SEC63: variants seen among roughly 807,000 people sequenced by gnomAD.
SEC63 encodes SEC63 protein translocation regulator, also known as translocation protein SEC63 homolog.
A neutral mutation model predicts 116.2 loss-of-function variants in SEC63; 56 were observed. That is an observed-to-expected ratio of 0.48 (90% CI 0.39 to 0.60). SEC63 has a LOEUF of 0.60. Among genes scored for constraint, SEC63 ranks in the 20% least tolerant of loss-of-function variants. SEC63 has a pLI of 0.00. For missense variants in SEC63, 668 were observed against 900.0 expected (o/e 0.74, Z 3.30); for synonymous variants, 273 against 294.6 (o/e 0.93, Z 0.75).
At chr6:107,889,964 G>A (rs962347267) in intron 16 of SEC63, among the ~76,000 whole-genome samples, 2 of 152,126 alleles carry the variant, frequency 1.3e-5, no homozygotes, top group Non-Finnish European at 2.9e-5. Flanking sequence ...TATAATTTCT[G>A]TTCTTTCACA....
At chr6:107,923,389 T>C (rs1387030334) in intron 3 of SEC63, among the ~76,000 whole-genome samples, 5 of 152,160 alleles carry the variant, frequency 3.3e-5, no homozygotes, top group Non-Finnish European at 4.4e-5. Context: ...ACTGATATTA[T>C]AGGCACGAGC....
In SEC63 at chr6:107,869,728, A is replaced by C. The variant is rs1786084356; in HGVS notation, c.*1976T>G. On this transcript the variant is annotated 3_prime_UTR_variant, in exon 21 of 21. Coordinates refer to ENST00000369002, the MANE Select transcript of SEC63 (RefSeq NM_007214.5). ...TTGGGAAGTACATACACATCACACA[A>C]AGAGAAAAGGAAAACAAACTGGTGG... is the stretch of plus-strand genomic sequence containing the variant. 6.6e-6 allele frequency: 1 copy of C among 151,582 alleles called. No homozygotes were observed. The highest frequency in any genetic ancestry group is 1.5e-5 in the Non-Finnish European group (1 of 67,952). The allele number at this position is 151,582 out of a possible 1,614,324, so 9.4% of individuals were successfully genotyped here.
At chr6:107,941,539 T>C (rs1473904230) in intron 1 of SEC63, among the ~76,000 whole-genome samples, 1 of 151,616 alleles carries the variant, frequency 6.6e-6, no homozygotes, top group Non-Finnish European at 1.5e-5. Flanking sequence ...GAAAGAAAAT[T>C]TGGCATACAG....
chr6:107,936,542 T>C, intron 1 of SEC63, among the ~76,000 whole-genome samples: 1 of 6,876 alleles, frequency 1.5e-4, no homozygotes, highest in South Asian at 4.1e-3. Context: ...CCTTAACTTG[T>C]ATTTTTTTAA....
chr6:107,951,054 T>C lies in SEC63; in HGVS notation c.124+6832A>G, dbSNP rs17347526. On this transcript the variant is annotated intron_variant, in intron 1 of 20. Transcript: ENST00000369002. The stretch of plus-strand genomic sequence containing the variant: ...AACAAAATTATGCACTTACAAATAA[T>C]GGTTGGATTGAAATTCCACATAAAC... Among the ~76,000 whole-genome samples the C allele has an allele frequency of 2.0e-3, 303 of 152,304 alleles. 1 individual carries two copies. Among genetic ancestry groups the C allele is most frequent in the Middle Eastern group, 6.8e-3 (2 of 294 alleles).
At chr6:107,884,765 G>C (rs984599409) in intron 16 of SEC63, among the ~76,000 whole-genome samples, 1 of 152,044 alleles carries the variant, frequency 6.6e-6, no homozygotes, top group East Asian at 1.9e-4. Flanking sequence ...ACCAATATTT[G>C]CTCTTAAAAA....
chr6:107,903,970 T>C (rs777905519), intron 11 of SEC63, among the ~76,000 whole-genome samples: 3 of 150,858 alleles, frequency 2.0e-5, no homozygotes, highest in Non-Finnish European at 4.4e-5. Context: ...ATACAAAAAT[T>C]AGCCGGGCGT....
At chr6:107,908,811 T>C in intron 8 of SEC63, 116 bp downstream of exon 8, 1 of 596,264 alleles carries the variant, frequency 1.7e-6, no homozygotes, top group Non-Finnish European at 3.0e-6. Context: ...ATAAATTAAC[T>C]ATTTATAAAA....
intron 19 of SEC63, among the ~76,000 whole-genome samples, 195 bp downstream of exon 19, chr6:107,876,369 T>C (rs914081507): frequency 2.6e-5 from 4 of 152,084 alleles, no homozygotes; most frequent in African/African-American, 9.7e-5. Context: ...ATTGACTAAG[T>C]TGCCTACCTT....
In SEC63 at chr6:107,882,994, A is replaced by C; in HGVS notation, c.1827T>G (p.Asp609Glu). 6.3e-7 allele frequency: 1 copy of C among 1,589,580 alleles called. No individual in the cohort carries two copies. Among genetic ancestry groups the C allele is most frequent in the Non-Finnish European group, 8.6e-7 (1 of 1,159,952 alleles). ...TTAAACCTATAAGGCTTACTGCTTC[A>C]TCATCTTTGTTTTGTTTTTCATCTT... ...REQDEKQNKD[D>E]EAEWQELQQS... The change falls in exon 17 of 21, where the codon GAT (aspartate) becomes GAG (glutamate). Residue 609 changes from aspartate (D) to glutamate (E), a missense_variant. Physicochemically the swap from Asp to Glu is conservative, Grantham distance 45. Transcript: ENST00000369002.
intron 4 of SEC63, among the ~76,000 whole-genome samples, chr6:107,920,077 G>C (rs985441242): frequency 6.6e-6 from 1 of 152,110 alleles, no homozygotes; most frequent in Admixed American, 6.6e-5. Flanking sequence ...CAGATTACTA[G>C]CATTTTTTAG....
intron 13 of SEC63, among the ~76,000 whole-genome samples, chr6:107,900,550 A>C (rs1371721859): frequency 6.6e-6 from 1 of 152,114 alleles, no homozygotes; most frequent in Non-Finnish European, 1.5e-5. Flanking sequence ...CAGGAGGCTG[A>C]GGTAGAAGGA....
chr6:107,872,406 T>G, intron 20 of SEC63, among the ~76,000 whole-genome samples: 1 of 151,908 alleles, frequency 6.6e-6, no homozygotes, highest in East Asian at 1.9e-4. Flanking sequence ...AAGATCAGAG[T>G]GTGCTGCAAA....
chr6:107,900,476 TAC>T (rs1253910799), intron 13 of SEC63, among the ~76,000 whole-genome samples: 2 of 151,988 alleles, frequency 1.3e-5, no homozygotes, highest in African/African-American at 4.8e-5. Flanking sequence ...ACGCTGTCTC[TAC>T]TAAAATTACA....
intron 1 of SEC63, chr6:107,932,154 A>T (rs1787826068): frequency 5.9e-6 from 1 of 168,750 alleles, no homozygotes; most frequent in Non-Finnish European, 1.2e-5. Flanking sequence ...GGCCAAGGTA[A>T]ACATACTCAT....
At chr6:107,885,150 A>T (rs746866473) in intron 16 of SEC63, among the ~76,000 whole-genome samples, 3 of 152,174 alleles carry the variant, frequency 2.0e-5, no homozygotes, top group Non-Finnish European at 4.4e-5. Context: ...TATTACACTG[A>T]CAGTTCTAGC....
intron 13 of SEC63, among the ~76,000 whole-genome samples, chr6:107,899,230 T>C (rs1786938886): frequency 6.6e-6 from 1 of 152,188 alleles, no homozygotes; most frequent in Non-Finnish European, 1.5e-5. Flanking sequence ...TGCTTCTATA[T>C]TTCTTCTACT....
At chr6:107,899,708 G>T in intron 13 of SEC63, among the ~76,000 whole-genome samples, 1 of 106,732 alleles carries the variant, frequency 9.4e-6, no homozygotes, top group East Asian at 2.4e-4. Context: ...AACAGAGCAA[G>T]ACTGTCTCAA....
intron 2 of SEC63, among the ~76,000 whole-genome samples, chr6:107,926,219 ATAAAAGTTTTATTATAAAT>A (rs753734155): frequency 6.6e-6 from 1 of 152,244 alleles, no homozygotes; most frequent in Non-Finnish European, 1.5e-5. Context: ...CTCTATGTAT[ATAAAAGTTTTATTATAAAT>A]AAGTGCATAA....
Sources: allele counts gnomAD v4.1 joint callset (sites outside exome capture counted in the v4.1 genomes callset), GRCh38; gene constraint gnomAD v4.1.1; transcripts MANE v1.5; gene names NCBI Gene and HGNC (gene_info 2026-07-23, HGNC 2026-07-21).